The following GABRR2 variants were observed in gnomAD, a reference collection of about 807,000 sequenced individuals.
GABRR2 encodes the protein gamma-aminobutyric acid type A receptor subunit rho2, also known as gamma-aminobutyric acid receptor subunit rho-2.
Under a neutral mutation model 47.0 loss-of-function variants are expected in GABRR2, and 36 were observed. That is an observed-to-expected ratio of 0.77 (90% CI 0.59 to 1.01). The LOEUF (loss-of-function observed/expected upper bound fraction) is 1.01. Among genes scored for constraint, GABRR2 ranks in the 50% least tolerant of loss-of-function variants. The probability of loss-of-function intolerance (pLI) is 0.00; values close to 1 mark genes in which losing one functional copy is unlikely to be tolerated. For missense variants in GABRR2, 587 were observed against 594.6 expected (o/e 0.99, Z 0.13); for synonymous variants, 204 against 227.5 (o/e 0.90, Z 0.93).
intron 2 of GABRR2, among the ~76,000 whole-genome samples, chr6:89,274,245 C>T (rs1228789849): frequency 6.6e-6 from 1 of 152,170 alleles, no homozygotes; most frequent in African/African-American, 2.4e-5. Context: ...TGGAGGAAAA[C>T]AATCTTTCTA....
At chr6:89,302,120 G>C in intron 1 of GABRR2, 3 of 613,390 alleles carry the variant, frequency 4.9e-6, no homozygotes, top group Non-Finnish European at 6.2e-6. Context: ...GGAGCTGGTG[G>C]ATTCCCTCCT....
intron 6 of GABRR2, among the ~76,000 whole-genome samples, chr6:89,267,384 A>G (rs1428722645): frequency 2.0e-5 from 3 of 152,066 alleles, no homozygotes; most frequent in Non-Finnish European, 4.4e-5. Flanking sequence ...TGGGCAACAT[A>G]GTAAGACCTC....
Position 89,257,585 on chromosome 6 carries a change from G to T in GABRR2, c.*85C>A, listed in dbSNP as rs1280876158. 8.4e-6 allele frequency: 9 copies of T among 1,065,882 alleles called. No homozygotes were observed. The East Asian group carries it at 2.3e-4, about 27-fold the overall frequency. The allele number at this position is 1,065,882 out of a possible 1,614,324, so 66.0% of individuals were successfully genotyped here. The stretch of plus-strand genomic sequence containing the variant: ...TAGCTGCTGCATTGTTTGGTGAGGG[G>T]CGTGTGGTCAACAAGTCCGTCTGTC... On this transcript the variant is annotated 3_prime_UTR_variant, in exon 9 of 9. Transcript: ENST00000402938.
rs193124827 is a variant in GABRR2 at position 89,284,214 on chromosome 6, G to A, written c.221-12492C>T. Among the ~76,000 whole-genome samples the A allele has an allele frequency of 3.9e-5, 6 of 152,206 alleles. No individual in the cohort carries two copies. The East Asian group carries it at 5.8e-4, about 15-fold the overall frequency. On this transcript the variant is annotated intron_variant, in intron 2 of 8. Transcript: ENST00000402938. Reference sequence around the variant, plus strand: ...GGTGTGAGGGAGCCTTCTGGGAGCTGGAAAGTTCTGTATCTCGATCTGCAT... The same window carrying A: ...GGTGTGAGGGAGCCTTCTGGGAGCTAGAAAGTTCTGTATCTCGATCTGCAT...
At chr6:89,281,339 A>G (rs1386805580) in intron 2 of GABRR2, among the ~76,000 whole-genome samples, 1 of 152,066 alleles carries the variant, frequency 6.6e-6, no homozygotes, top group African/African-American at 2.4e-5. Context: ...GTGAAGTCCA[A>G]CGAAAGGCAT....
Position 89,257,781 on chromosome 6 carries a change from C to G in GABRR2, c.1287G>C (p.Gln429His). The G allele has an allele frequency of 6.2e-7, 1 of 1,614,064 alleles. No individual in the cohort carries two copies. The highest frequency in any genetic ancestry group is 1.1e-5 in the South Asian group (1 of 91,084). The part of the protein sequence containing the change: ...AARKKGLLKG[Q>H]TGFRIFQNTH... Reference sequence around the variant, plus strand: ...TATTCTGGAAGATACGAAAACCCGTCTGGCCCTTCAGAAGCCCCTTCTTTC... The same window carrying G: ...TATTCTGGAAGATACGAAAACCCGTGTGGCCCTTCAGAAGCCCCTTCTTTC... The change falls in exon 9 of 9, where the codon CAG becomes CAC. Residue 429 changes from glutamine (Q) to histidine (H), a missense_variant. Transcript: ENST00000402938.
intron 2 of GABRR2, among the ~76,000 whole-genome samples, chr6:89,283,276 T>C (rs1248661021): frequency 6.6e-6 from 1 of 152,136 alleles, no homozygotes; most frequent in Non-Finnish European, 1.5e-5. Flanking sequence ...GTTTTTTCCA[T>C]ATCTATTTAG....
At position 89,255,943 on chromosome 6, in the gene GABRR2, C is replaced by T. The variant is rs1310186630; in HGVS notation, c.*1727G>A. Among the ~76,000 whole-genome samples, 3 of 151,956 alleles carry T rather than the reference C, an allele frequency of 2.0e-5. No homozygotes were observed. The highest frequency in any genetic ancestry group is 3.9e-4 in the East Asian group (2 of 5,188). On this transcript the variant is annotated 3_prime_UTR_variant, in exon 9 of 9. Coordinates refer to ENST00000402938, the MANE Select transcript of GABRR2 (RefSeq NM_002043.5). ...TTATTATTTTAGAGATAGGGTCTCG[C>T]TCTGTCACTCAGGCTGGACTGCAGT...
chr6:89,297,061 C>T (rs572994708), intron 2 of GABRR2, among the ~76,000 whole-genome samples: 25 of 152,224 alleles, frequency 1.6e-4, no homozygotes, highest in Admixed American at 3.3e-4. Context: ...CACCCACACT[C>T]GGTGCACACC....
At chr6:89,263,789 C>A (rs1773810219) in intron 8 of GABRR2, among the ~76,000 whole-genome samples, 1 of 152,220 alleles carries the variant, frequency 6.6e-6, no homozygotes. Context: ...TCCCAAAGTG[C>A]TGGGATTATA....
chr6:89,308,505 T>C (rs1767612946), intron 1 of GABRR2, among the ~76,000 whole-genome samples: 1 of 152,136 alleles, frequency 6.6e-6, no homozygotes, highest in African/African-American at 2.4e-5. Flanking sequence ...ATAAATAACA[T>C]TTCCATAATC....
chr6:89,267,890 C>T (rs1773941151), intron 5 of GABRR2, 71 bp from the exon 6 acceptor site: 24 of 1,594,288 alleles, frequency 1.5e-5, no homozygotes, highest in Non-Finnish European at 2.1e-5. Flanking sequence ...CAGGGAAATC[C>T]TATGCCAGTC....
Position 89,254,496 on chromosome 6 carries a change from C to T in GABRR2, c.*3174G>A, listed in dbSNP as rs765504738. 1.3e-5 allele frequency among the ~76,000 whole-genome samples: 2 copies of T among 152,148 alleles called. No homozygotes were observed. Among genetic ancestry groups the T allele is most frequent in the Non-Finnish European group, 2.9e-5 (2 of 68,040 alleles). The stretch of plus-strand genomic sequence containing the variant: ...ATAAAACCCATTTCTTTTATTGTAA[C>T]ATTAACATTTTTTCACAGTTTCATA... On this transcript the variant is annotated 3_prime_UTR_variant, in exon 9 of 9. Transcript: ENST00000402938.
At chr6:89,268,890 A>AG in intron 4 of GABRR2, 121 bp downstream of exon 4, 1 of 779,734 alleles carries the variant, frequency 1.3e-6, no homozygotes, top group Non-Finnish European at 2.1e-6. Flanking sequence ...TAGCATCAGA[A>AG]GGCTCCTCCC....
chr6:89,304,275 G>C (rs10455508), intron 1 of GABRR2, among the ~76,000 whole-genome samples: 4 of 152,062 alleles, frequency 2.6e-5, no homozygotes, highest in Non-Finnish European at 4.4e-5. Flanking sequence ...CCATTAAAAA[G>C]TAGGCAAAAA....
intron 1 of GABRR2, chr6:89,301,815 G>A: frequency 1.1e-6 from 1 of 935,982 alleles, no homozygotes; most frequent in Non-Finnish European, 1.7e-6. Context: ...AGGCCGGCCA[G>A]TGCGGCAACT....
chr6:89,283,231 G>A (rs1440174838), intron 2 of GABRR2, among the ~76,000 whole-genome samples: 1 of 151,060 alleles, frequency 6.6e-6, no homozygotes, highest in Non-Finnish European at 1.5e-5. Context: ...AGTTTGCCAA[G>A]GATTCTTGTC....
intron 2 of GABRR2, among the ~76,000 whole-genome samples, chr6:89,290,282 TTTC>T (rs1209656312): frequency 6.6e-6 from 1 of 152,234 alleles, no homozygotes; most frequent in African/African-American, 2.4e-5. Context: ...ATGAGCTGCC[TTTC>T]TTCTTTTCCT....
intron 2 of GABRR2, among the ~76,000 whole-genome samples, chr6:89,293,252 T>G (rs928954891): frequency 1.3e-5 from 2 of 152,172 alleles, no homozygotes; most frequent in African/African-American, 2.4e-5. Context: ...TAGTCAATTA[T>G]GGAGACAGAA....
Sources: gnomAD v4.1 joint callset for allele counts (sites outside exome capture counted in the v4.1 genomes callset) on GRCh38, gnomAD v4.1.1 for gene constraint, MANE v1.5 for transcripts, NCBI Gene and HGNC (gene_info 2026-07-23, HGNC 2026-07-21) for gene names.